RNFT2: variants seen among roughly 807,000 people sequenced by gnomAD.
The protein encoded by RNFT2 is E3 ubiquitin-protein ligase RNFT2.
Under a neutral mutation model 53.0 loss-of-function variants are expected in RNFT2, and 36 were observed. The ratio of observed to expected loss-of-function variants is 0.68; its 90% CI spans 0.52 to 0.90. The LOEUF is 0.90. RNFT2 is among the 40% of genes least tolerant of loss of function. The pLI is 0.00. For synonymous variants in RNFT2, 260 were observed against 253.2 expected (o/e 1.03, Z -0.26); for missense variants, 514 against 585.6 (o/e 0.88, Z 1.26).
chr12:116,839,850 G>A (rs1477946937), intron 10 of RNFT2, among the ~76,000 whole-genome samples: 1 of 152,084 alleles, frequency 6.6e-6, no homozygotes, highest in African/African-American at 2.4e-5. Flanking sequence ...AGCTCAATAT[G>A]TCACTCCCAC....
At chr12:116,779,653 T>C (rs1180982288) in intron 7 of RNFT2, among the ~76,000 whole-genome samples, 2 of 152,118 alleles carry the variant, frequency 1.3e-5, no homozygotes, top group Non-Finnish European at 2.9e-5. Context: ...AAAAAAAGCA[T>C]GTTAGCATGC....
At position 116,852,746 on chromosome 12, in the gene RNFT2, G is replaced by C; in HGVS notation, c.*3298G>C. On this transcript the variant is annotated 3_prime_UTR_variant, in exon 11 of 11. Transcript: ENST00000257575. ...AACAGTCTGCTGGGAGTCAGACCTG[G>C]AATTCTGATTCCAAACTCTTTATTA... 1 of 1,597,900 alleles carries C rather than the reference G, an allele frequency of 6.3e-7. No individual in the cohort carries two copies. Among genetic ancestry groups the C allele is most frequent in the African/African-American group, 1.3e-5 (1 of 74,726 alleles).
intron 7 of RNFT2, among the ~76,000 whole-genome samples, chr12:116,805,241 T>A (rs916849506): frequency 6.6e-6 from 1 of 151,874 alleles, no homozygotes; most frequent in Non-Finnish European, 1.5e-5. Flanking sequence ...TTTCTTTGCC[T>A]AACAGAGGTA....
chr12:116,806,403 TAGATAGATAG>T (rs1312106039), intron 7 of RNFT2, among the ~76,000 whole-genome samples: 2 of 148,716 alleles, frequency 1.3e-5, no homozygotes, highest in Non-Finnish European at 3.0e-5. Context: ...TATATATAGA[TAGATAGATAG>T]ATAGATAGAT....
At chr12:116,751,352 C>T (rs1160167200) in intron 4 of RNFT2, among the ~76,000 whole-genome samples, 1 of 152,090 alleles carries the variant, frequency 6.6e-6, no homozygotes, top group Non-Finnish European at 1.5e-5. Context: ...AGTGCTCAGC[C>T]TCCTATCTGA....
chr12:116,783,453 G>A (rs146687132), intron 7 of RNFT2, among the ~76,000 whole-genome samples: 26 of 152,294 alleles, frequency 1.7e-4, no homozygotes, highest in East Asian at 1.2e-3. Context: ...CTATACTGTC[G>A]GCTTCCTGGG....
At chr12:116,791,634 A>C (rs952777102) in intron 7 of RNFT2, among the ~76,000 whole-genome samples, 2 of 152,212 alleles carry the variant, frequency 1.3e-5, no homozygotes, top group African/African-American at 4.8e-5. Flanking sequence ...TGGCTAAATA[A>C]TATTCCATTG....
chr12:116,763,167 G>C (rs1872756537), intron 5 of RNFT2, among the ~76,000 whole-genome samples: 1 of 62,074 alleles, frequency 1.6e-5, no homozygotes, highest in South Asian at 6.3e-4. Context: ...TCAAAAGTCT[G>C]TGCTTTCAGA....
chr12:116,850,913 A>C lies in RNFT2; in HGVS notation c.*1465A>C, dbSNP rs1328367277. On this transcript the variant is annotated 3_prime_UTR_variant, in exon 11 of 11. Transcript: ENST00000257575. Reference sequence around the variant, plus strand: ...CTCCCAGAGTGCTGGGATTACAGGCATGAGCCACCACACCTGGCCCAAAGT... The same window carrying C: ...CTCCCAGAGTGCTGGGATTACAGGCCTGAGCCACCACACCTGGCCCAAAGT... The C allele has an allele frequency of 6.6e-6, 1 of 152,250 alleles. No individual in the cohort carries two copies. The highest frequency in any genetic ancestry group is 1.9e-4 in the East Asian group (1 of 5,178). 9.4% of individuals were successfully genotyped at this position (152,250 alleles called of 1,614,324 possible).
intron 7 of RNFT2, among the ~76,000 whole-genome samples, chr12:116,808,608 C>A (rs138470562): frequency 0.019 from 2,922 of 152,256 alleles, 52 homozygotes; most frequent in Middle Eastern, 0.034. Flanking sequence ...GGCTCCACAC[C>A]CCCCAAGCTG....
At chr12:116,841,860 T>G (rs1282121043) in intron 10 of RNFT2, among the ~76,000 whole-genome samples, 1 of 25,482 alleles carries the variant, frequency 3.9e-5, no homozygotes, top group African/African-American at 1.6e-4. Context: ...TATATAAAAA[T>G]ATATATATAA....
chr12:116,835,767 C>T lies in RNFT2; in HGVS notation c.1033-193C>T, dbSNP rs540391411. Among the ~76,000 whole-genome samples the T allele has an allele frequency of 5.9e-5, 9 of 152,238 alleles. No individual in the cohort carries two copies. In the South Asian group the frequency reaches 1.5e-3, roughly 25 times the overall value. On this transcript the variant is annotated intron_variant, in intron 8 of 10. Transcript: ENST00000257575. ...ATTCTGGCCTAGGTAGCAGGGGAAA[C>T]TCTTGATATTAGGCAACAAGACAAA...
chr12:116,756,412 C>T (rs1180743328), intron 5 of RNFT2, among the ~76,000 whole-genome samples: 1 of 151,898 alleles, frequency 6.6e-6, no homozygotes, highest in Non-Finnish European at 1.5e-5. Context: ...GAGCTACTGA[C>T]TTCTGTACAT....
intron 6 of RNFT2, among the ~76,000 whole-genome samples, chr12:116,770,740 G>A (rs557454371): frequency 6.6e-6 from 1 of 151,946 alleles, no homozygotes; most frequent in Non-Finnish European, 1.5e-5. Flanking sequence ...TTTATTTTTA[G>A]TAGAGATGAG....
In RNFT2 at chr12:116,849,370, G is replaced by T; in HGVS notation, c.1257G>T (p.Pro419=). The T allele has an allele frequency of 1.3e-6, 2 of 1,551,584 alleles. No individual in the cohort carries two copies. Among genetic ancestry groups the T allele is most frequent in the Non-Finnish European group, 1.7e-6 (2 of 1,152,036 alleles). ...GGCTGGACCGTGAGCGCACCTGCCC[G>T]CTCTGCCGCTCGGTCGCCGTGGACA... The part of the protein sequence containing the change: ...CLWLDRERTC[P]LCRSVAVDTL... Residue 419 remains proline, a synonymous_variant, in exon 11 of 11, where the codon CCG becomes CCT. Coordinates refer to ENST00000257575, the MANE Select transcript of RNFT2 (RefSeq NM_001382266.1).
intron 4 of RNFT2, among the ~76,000 whole-genome samples, chr12:116,752,167 T>C (rs750154738): frequency 6.9e-5 from 10 of 144,078 alleles, no homozygotes; most frequent in Non-Finnish European, 1.4e-4. Context: ...CTGGGAAACA[T>C]AGTGAGACCC....
At chr12:116,843,890 G>T (rs1877478824) in intron 10 of RNFT2, among the ~76,000 whole-genome samples, 1 of 152,172 alleles carries the variant, frequency 6.6e-6, no homozygotes, top group Admixed American at 6.5e-5. Flanking sequence ...TCCATTGACA[G>T]AGCCCCTACT....
intron 7 of RNFT2, among the ~76,000 whole-genome samples, chr12:116,798,353 C>T (rs1437294792): frequency 1.3e-5 from 2 of 152,094 alleles, no homozygotes; most frequent in East Asian, 1.9e-4. Context: ...ATCCATCTAT[C>T]TTAGAGATTG....
chr12:116,753,858 A>T, intron 4 of RNFT2, 126 bp from the exon 5 acceptor site: 5 of 681,674 alleles, frequency 7.3e-6, no homozygotes, highest in Middle Eastern at 2.6e-4. Context: ...GATTTTTTTT[A>T]TTTTTCTCTC....
Sources: allele counts gnomAD v4.1 joint callset (sites outside exome capture counted in the v4.1 genomes callset), GRCh38; gene constraint gnomAD v4.1.1; transcripts MANE v1.5; gene names NCBI Gene and HGNC (gene_info 2026-07-23, HGNC 2026-07-21).